Variants in CACNA2D3 observed in about 807,000 individuals in gnomAD.
CACNA2D3 encodes voltage-dependent calcium channel subunit alpha-2/delta-3.
CACNA2D3 carries 60 observed loss-of-function variants against 160.6 expected under a neutral mutation model. The observed-to-expected ratio is 0.37, with a 90% CI of 0.30 to 0.46. CACNA2D3 has a LOEUF of 0.46. CACNA2D3 is among the 20% of genes least tolerant of loss of function. The probability of loss-of-function intolerance (pLI) is 1.00; values close to 1 mark genes in which losing one functional copy is unlikely to be tolerated. For synonymous variants in CACNA2D3, 558 were observed against 492.9 expected, an observed-to-expected ratio of 1.13 and a Z score of -1.75; for missense variants, 1,205 against 1,365.0, an observed-to-expected ratio of 0.88 and a Z score of 1.85.
intron 10 of CACNA2D3, among the ~76,000 whole-genome samples, chr3:54,631,141 A>T (rs1187117719): frequency 1.3e-5 from 2 of 151,386 alleles, no homozygotes; most frequent in Non-Finnish European, 2.9e-5. Context: ...GAGGGAGAGG[A>T]TGCAGTGAGC....
chr3:54,670,028 A>G (rs992992166), intron 11 of CACNA2D3, among the ~76,000 whole-genome samples: 5 of 152,162 alleles, frequency 3.3e-5, no homozygotes, highest in Non-Finnish European at 7.3e-5. Context: ...TGAAACAACA[A>G]AATGTCCAGT....
chr3:54,261,227 A>G (rs1419368323), intron 2 of CACNA2D3, among the ~76,000 whole-genome samples: 1 of 152,192 alleles, frequency 6.6e-6, no homozygotes, highest in Admixed American at 6.5e-5. Flanking sequence ...TGGAATATTC[A>G]CATGGATGCT....
intron 3 of CACNA2D3, among the ~76,000 whole-genome samples, chr3:54,361,434 C>A (rs530058242): frequency 6.6e-6 from 1 of 152,158 alleles, no homozygotes; most frequent in Non-Finnish European, 1.5e-5. Flanking sequence ...CCCAGTTCAG[C>A]TTCTCAGGTT....
chr3:54,949,486 T>C (rs1190364645), intron 27 of CACNA2D3, among the ~76,000 whole-genome samples: 2 of 152,160 alleles, frequency 1.3e-5, no homozygotes, highest in Non-Finnish European at 2.9e-5. Flanking sequence ...GATCGTTCAT[T>C]ATTGGTTTAT....
chr3:55,016,635 A>C (rs1280984400), intron 34 of CACNA2D3, among the ~76,000 whole-genome samples: 1 of 152,220 alleles, frequency 6.6e-6, no homozygotes, highest in Non-Finnish European at 1.5e-5. Flanking sequence ...GCTTTTGTTC[A>C]TTTATTCCTC....
At chr3:54,736,962 G>A (rs1190745429) in intron 11 of CACNA2D3, among the ~76,000 whole-genome samples, 1 of 152,166 alleles carries the variant, frequency 6.6e-6, no homozygotes, top group East Asian at 1.9e-4. Flanking sequence ...TGGGGCTGAT[G>A]TTCAACATGC....
chr3:54,673,444 C>T (rs1700192386), intron 11 of CACNA2D3, among the ~76,000 whole-genome samples: 1 of 152,250 alleles, frequency 6.6e-6, no homozygotes, highest in South Asian at 2.1e-4. Flanking sequence ...ATTTGTTTTG[C>T]AAAACGCAAC....
intron 14 of CACNA2D3, among the ~76,000 whole-genome samples, chr3:54,832,319 G>T (rs1178942425): frequency 6.6e-6 from 1 of 152,146 alleles, no homozygotes; most frequent in African/African-American, 2.4e-5. Flanking sequence ...GGTTAACACA[G>T]CCTGGGTTGG....
At chr3:55,013,106 A>G (rs1409358257) in intron 34 of CACNA2D3, among the ~76,000 whole-genome samples, 2 of 152,236 alleles carry the variant, frequency 1.3e-5, no homozygotes, top group Non-Finnish European at 2.9e-5. Flanking sequence ...ACCTTGTCAC[A>G]TAATTGCATC....
At chr3:54,718,106 T>TTATATA (rs1432386233) in intron 11 of CACNA2D3, among the ~76,000 whole-genome samples, 1 of 152,200 alleles carries the variant, frequency 6.6e-6, no homozygotes, top group East Asian at 1.9e-4. Flanking sequence ...ACTTAATGAT[T>TTATATA]TATAGTCATT....
chr3:54,540,920 G>A (rs1447138252), intron 5 of CACNA2D3, among the ~76,000 whole-genome samples: 2 of 152,142 alleles, frequency 1.3e-5, no homozygotes, highest in East Asian at 1.9e-4. Context: ...AACTAGTTAA[G>A]GATCTTGAGA....
At chr3:54,625,903 CAATT>C (rs1699087997) in intron 9 of CACNA2D3, among the ~76,000 whole-genome samples, 1 of 152,114 alleles carries the variant, frequency 6.6e-6, no homozygotes, top group Non-Finnish European at 1.5e-5. Flanking sequence ...GCAGTGTGGC[CAATT>C]AGACACATCA....
chr3:54,667,058 G>C (rs1267340908), intron 11 of CACNA2D3, among the ~76,000 whole-genome samples: 2 of 152,130 alleles, frequency 1.3e-5, no homozygotes, highest in Non-Finnish European at 2.9e-5. Flanking sequence ...CATGTTTTTA[G>C]CAGAAGCAGC....
At chr3:54,651,433 A>G (rs1156273989) in intron 11 of CACNA2D3, among the ~76,000 whole-genome samples, 1 of 152,074 alleles carries the variant, frequency 6.6e-6, no homozygotes, top group East Asian at 1.9e-4. Flanking sequence ...GAGAAAAAAA[A>G]AAAAAAAAGC....
intron 11 of CACNA2D3, among the ~76,000 whole-genome samples, chr3:54,696,331 C>G (rs1207617357): frequency 6.6e-6 from 1 of 152,128 alleles, no homozygotes; most frequent in East Asian, 1.9e-4. Flanking sequence ...TTCTGCATGG[C>G]AGGGCAGGAG....
intron 5 of CACNA2D3, among the ~76,000 whole-genome samples, chr3:54,550,834 G>T (rs960810503): frequency 3.3e-5 from 5 of 152,274 alleles, no homozygotes; most frequent in Admixed American, 3.3e-4. Flanking sequence ...AGCTTCAACA[G>T]CTGGCACAGC....
chr3:54,860,427 G>A (rs2106799282), intron 17 of CACNA2D3, among the ~76,000 whole-genome samples: 1 of 152,226 alleles, frequency 6.6e-6, no homozygotes, highest in Non-Finnish European at 1.5e-5. Flanking sequence ...AACTGGGAGG[G>A]GCTGGGACTT....
At chr3:54,270,011 T>G (rs2107449787) in intron 2 of CACNA2D3, among the ~76,000 whole-genome samples, 1 of 152,334 alleles carries the variant, frequency 6.6e-6, no homozygotes, top group Admixed American at 6.5e-5. Context: ...CTTGGCTTGT[T>G]GTACCAGAAG....
intron 13 of CACNA2D3, among the ~76,000 whole-genome samples, chr3:54,788,176 C>T (rs1043956315): frequency 6.6e-6 from 1 of 152,182 alleles, no homozygotes; most frequent in African/African-American, 2.4e-5. Context: ...TCTCATCTGT[C>T]AGTCATGATA....
Sources: gnomAD v4.1 joint callset for allele counts (sites outside exome capture counted in the v4.1 genomes callset) on GRCh38, gnomAD v4.1.1 for gene constraint, MANE v1.5 for transcripts, NCBI Gene and HGNC (gene_info 2026-07-23, HGNC 2026-07-21) for gene names.